SLC7A1: variants seen among roughly 807,000 people sequenced by gnomAD.
SLC7A1 encodes solute carrier family 7 member 1.
SLC7A1 carries 10 observed loss-of-function variants against 53.9 expected under a neutral mutation model. The ratio of observed to expected loss-of-function variants is 0.19; its 90% confidence interval spans 0.11 to 0.31. The LOEUF (loss-of-function observed/expected upper bound fraction) is 0.31, where lower values mean the gene tolerates loss of function less well. Among genes scored for constraint, SLC7A1 ranks in the 10% least tolerant of loss-of-function variants. The pLI, the probability that SLC7A1 is intolerant of heterozygous loss-of-function variation, is 1.00. For missense variants in SLC7A1, 525 were observed against 827.2 expected (o/e 0.63, Z 4.48); for synonymous variants, 342 against 338.7 (o/e 1.01, Z -0.11).
chr13:29,550,662 G>GAGGGA (rs1870138085), intron 2 of SLC7A1, among the ~76,000 whole-genome samples: 1 of 152,206 alleles, frequency 6.6e-6, no homozygotes, highest in Admixed American at 6.5e-5. Context: ...GAGGGAATGT[G>GAGGGA]GAAGAGGACA....
At position 29,512,618 on chromosome 13, in the gene SLC7A1, C is replaced by G. The variant is rs888317331; in HGVS notation, c.*1862G>C. The G allele has an allele frequency of 6.6e-6, 1 of 152,166 alleles. No homozygotes were observed. The highest frequency in any genetic ancestry group is 2.4e-5 in the African/African-American group (1 of 41,430). The allele number at this position is 152,166 out of a possible 1,614,324, so 9.4% of individuals were successfully genotyped here. On this transcript the variant is annotated 3_prime_UTR_variant, in exon 13 of 13. Transcript: ENST00000380752. ...CCTAAGACAAGAGACAACCAAAACC[C>G]CAACAAAATAAGTTAGTATTTATCA...
At chr13:29,592,413 C>T (rs9578110) in intron 1 of SLC7A1, among the ~76,000 whole-genome samples, 5,085 of 152,304 alleles carry the variant, frequency 0.033, 116 homozygotes, top group Middle Eastern at 0.17. Context: ...GACCAGTGGG[C>T]CAGGTAAATG....
At chr13:29,547,224 C>T (rs1203465255) in intron 2 of SLC7A1, among the ~76,000 whole-genome samples, 1 of 152,146 alleles carries the variant, frequency 6.6e-6, no homozygotes, top group Non-Finnish European at 1.5e-5. Context: ...AAAAATGAAG[C>T]CCATTATTAT....
Position 29,516,261 on chromosome 13 carries a change from G to C in SLC7A1, c.1678-15C>G, listed in dbSNP as rs1455070037. 1 of 1,578,304 alleles carries C rather than the reference G, an allele frequency of 6.3e-7. No homozygotes were observed. Among genetic ancestry groups the C allele is most frequent in the Non-Finnish European group, 8.7e-7 (1 of 1,149,966 alleles). On this transcript the variant is annotated splice_polypyrimidine_tract_variant and intron_variant, in intron 11 of 12. Transcript: ENST00000380752. ...AGGAAGGGAACCTGAAGAGACAGGAGGTGGCTTCAATCCATGGCAGTGGCG... is the reference window on the plus strand; with the variant it reads ...AGGAAGGGAACCTGAAGAGACAGGACGTGGCTTCAATCCATGGCAGTGGCG...
At chr13:29,554,281 C>G (rs893885449) in intron 1 of SLC7A1, among the ~76,000 whole-genome samples, 4 of 152,190 alleles carry the variant, frequency 2.6e-5, no homozygotes, top group African/African-American at 9.7e-5. Flanking sequence ...CCAGCAGGGG[C>G]AGAAAACCTT....
At chr13:29,560,015 C>CT (rs371726876) in intron 1 of SLC7A1, among the ~76,000 whole-genome samples, 26 of 152,100 alleles carry the variant, frequency 1.7e-4, no homozygotes, top group Admixed American at 1.1e-3. Context: ...GCACCCGGAC[C>CT]TTTTTTTTAA....
chr13:29,573,160 G>T (rs934926343), intron 1 of SLC7A1, among the ~76,000 whole-genome samples: 2 of 152,130 alleles, frequency 1.3e-5, no homozygotes, highest in Admixed American at 1.3e-4. Flanking sequence ...AAAATTCTTT[G>T]GTGATGACAT....
chr13:29,524,268 C>G lies in SLC7A1; in HGVS notation c.705-15G>C. 1 of 1,614,010 alleles carries G rather than the reference C, an allele frequency of 6.2e-7. No homozygotes were observed. The highest frequency in any genetic ancestry group is 2.2e-5 in the East Asian group (1 of 44,884). On this transcript the variant is annotated splice_polypyrimidine_tract_variant and intron_variant, in intron 5 of 12. Coordinates refer to ENST00000380752, the MANE Select transcript of SLC7A1 (RefSeq NM_003045.5). ...CTTTTGTGTCACTAGAAAAAAGAGC[C>G]GCAAACAAATGTCACGTCACTCGCT... is the stretch of plus-strand genomic sequence containing the variant.
At chr13:29,592,600 G>T (rs1438462265) in intron 1 of SLC7A1, among the ~76,000 whole-genome samples, 2 of 152,198 alleles carry the variant, frequency 1.3e-5, no homozygotes, top group Non-Finnish European at 2.9e-5. Flanking sequence ...AACCACAGGG[G>T]TGGTTATTTT....
intron 1 of SLC7A1, among the ~76,000 whole-genome samples, chr13:29,579,823 C>T (rs1871565046): frequency 6.6e-6 from 1 of 152,208 alleles, no homozygotes; most frequent in Non-Finnish European, 1.5e-5. Context: ...TTTATTTTTA[C>T]AAGAGCCATT....
chr13:29,547,162 T>C (rs1408474086), intron 2 of SLC7A1, among the ~76,000 whole-genome samples: 1 of 152,168 alleles, frequency 6.6e-6, no homozygotes, highest in African/African-American at 2.4e-5. Context: ...CCTACAAATA[T>C]AAAAGAGTCA....
At position 29,512,019 on chromosome 13, in the gene SLC7A1, T is replaced by A. The variant is rs1208317739; in HGVS notation, c.*2461A>T. ...TTATTTCAGGGAAAGAAATGAGGGA[T>A]ATGATAAGAAAAAGTCTATTAAAAT... is the stretch of plus-strand genomic sequence containing the variant. On this transcript the variant is annotated 3_prime_UTR_variant, in exon 13 of 13. Transcript: ENST00000380752. 6.6e-6 allele frequency: 1 copy of A among 152,050 alleles called. No individual in the cohort carries two copies. Among genetic ancestry groups the A allele is most frequent in the Admixed American group, 6.6e-5 (1 of 15,262 alleles). 9.4% of individuals were successfully genotyped at this position (152,050 alleles called of 1,614,324 possible). A position where few individuals can be genotyped will look rare whatever the true frequency, so the allele number is the denominator to read the frequency against.
intron 1 of SLC7A1, among the ~76,000 whole-genome samples, chr13:29,591,482 C>T (rs932647261): frequency 3.3e-5 from 5 of 152,166 alleles, no homozygotes; most frequent in African/African-American, 4.8e-5. Flanking sequence ...GAGCAGAGGC[C>T]ACTCCCTGAG....
In SLC7A1 at chr13:29,517,322, G is replaced by A. The variant is rs748544621; in HGVS notation, c.1511-12C>T. On this transcript the variant is annotated splice_polypyrimidine_tract_variant and intron_variant, in intron 10 of 12. Transcript: ENST00000380752. ...GATGATGAGAACAGCTAAGGGGGAA[G>A]GAAAAGACAGCAAGCTGCAACTCAA... The A allele has an allele frequency of 3.1e-6, 5 of 1,598,428 alleles. No homozygotes were observed. The African/African-American group carries it at 5.4e-5, about 17-fold the overall frequency.
Position 29,519,552 on chromosome 13 carries a change from G to A in SLC7A1, c.1190-3C>T. 6.3e-7 allele frequency: 1 copy of A among 1,591,072 alleles called. No homozygotes were observed. The highest frequency in any genetic ancestry group is 8.6e-7 in the Non-Finnish European group (1 of 1,160,052). ...GTCAAAGAGGAAGGCCATCACAGCT[G>A]GGAAGAGACAGACACCAGGATCTGT... is the stretch of plus-strand genomic sequence containing the variant. On this transcript the variant is annotated splice_region_variant and splice_polypyrimidine_tract_variant and intron_variant, in intron 8 of 12. Coordinates refer to ENST00000380752, the MANE Select transcript of SLC7A1 (RefSeq NM_003045.5).
chr13:29,525,202 T>C (rs1270018541), intron 5 of SLC7A1, among the ~76,000 whole-genome samples: 1 of 152,224 alleles, frequency 6.6e-6, no homozygotes, highest in African/African-American at 2.4e-5. Context: ...TCCAACCCTC[T>C]GCTGCCACCC....
At chr13:29,518,910 G>C (rs552122787) in intron 9 of SLC7A1, among the ~76,000 whole-genome samples, 5 of 151,866 alleles carry the variant, frequency 3.3e-5, no homozygotes, top group South Asian at 2.1e-4. Context: ...GACTGGGAGA[G>C]GCTTGCCTGG....
intron 1 of SLC7A1, among the ~76,000 whole-genome samples, chr13:29,580,821 T>G (rs1593582684): frequency 6.6e-6 from 1 of 152,140 alleles, no homozygotes; most frequent in East Asian, 1.9e-4. Context: ...GAAATCAGAT[T>G]TCCCCAAAGA....
At chr13:29,527,587 C>A (rs1160854631) in intron 5 of SLC7A1, among the ~76,000 whole-genome samples, 4 of 152,208 alleles carry the variant, frequency 2.6e-5, no homozygotes, top group Non-Finnish European at 2.9e-5. Context: ...AGAGCCCTCA[C>A]CCAGCAAATG....
Sources: gnomAD v4.1 joint callset for allele counts (sites outside exome capture counted in the v4.1 genomes callset) on GRCh38, gnomAD v4.1.1 for gene constraint, MANE v1.5 for transcripts, NCBI Gene and HGNC (gene_info 2026-07-23, HGNC 2026-07-21) for gene names.